Variants in CIT observed in about 807,000 individuals in gnomAD.
CIT encodes the protein citron Rho-interacting kinase.
Under a neutral mutation model 272.7 loss-of-function variants are expected in CIT, and 79 were observed. The observed-to-expected ratio is 0.29, with a 90% CI of 0.24 to 0.35. The LOEUF (loss-of-function observed/expected upper bound fraction) is 0.35, where lower values mean the gene tolerates loss of function less well. Ranked by LOEUF, CIT falls within the 10% of genes least tolerant of loss-of-function variation. CIT has a pLI of 1.00. For missense variants in CIT, 1,909 were observed against 2,618.3 expected (o/e 0.73, Z 5.91); for synonymous variants, 948 against 995.6 (o/e 0.95, Z 0.90).
chr12:119,832,802 C>G lies in CIT; in HGVS notation c.722G>C (p.Gly241Ala). The G allele has an allele frequency of 6.2e-7, 1 of 1,613,998 alleles. No individual in the cohort carries two copies. The highest frequency in any genetic ancestry group is 8.5e-7 in the Non-Finnish European group (1 of 1,179,922). Residue 241 changes from glycine (G) to alanine (A), a missense_variant, in exon 7 of 48, where the codon GGA becomes GCA. Physicochemically the swap from Gly to Ala is moderately conservative, Grantham distance 60. This residue lies in a region of CIT where 529 missense variants were observed against 549.6 expected (regional missense o/e 0.96). Coordinates refer to ENST00000392521, the MANE Select transcript of CIT (RefSeq NM_001206999.2). Reference sequence around the variant, plus strand: ...GTTTGAATTCATTTTCGCGGCAGATCCAAAATCCACCAGCTTGATGTGTCC... The same window carrying G: ...GTTTGAATTCATTTTCGCGGCAGATGCAAAATCCACCAGCTTGATGTGTCC... ...RTGHIKLVDFGSAAKMNSNKM... is the reference protein window; with the variant it reads ...RTGHIKLVDFASAAKMNSNKM...
intron 22 of CIT, among the ~76,000 whole-genome samples, chr12:119,756,189 T>C (rs1960955217): frequency 6.6e-6 from 1 of 152,224 alleles, no homozygotes; most frequent in Non-Finnish European, 1.5e-5. Context: ...CAGATCCCCA[T>C]GGCCCAGTCT....
In CIT at chr12:119,734,336, T is replaced by C. The variant is rs138683952; in HGVS notation, c.3178A>G (p.Thr1060Ala). Residue 1060 changes from threonine to alanine, a missense_variant, in exon 26 of 48, where the codon ACG becomes GCG. Transcript: ENST00000392521. ...ACCTGTTCCTCCAGCATGGTGCACG[T>C]GGTCTTCAGAGCCTCCATCGTCTGC... ...QKQTMEALKT[T>A]CTMLEEQVMD... The C allele has an allele frequency of 2.5e-6, 4 of 1,613,448 alleles. No individual in the cohort carries two copies. The highest frequency in any genetic ancestry group is 3.4e-6 in the Non-Finnish European group (4 of 1,180,036).
intron 10 of CIT, among the ~76,000 whole-genome samples, chr12:119,785,662 C>T (rs773660234): frequency 2.2e-4 from 34 of 152,122 alleles, no homozygotes; most frequent in Admixed American, 6.5e-5. Flanking sequence ...TCACTGCAAC[C>T]TCCACCTCCT....
At chr12:119,817,577 C>A (rs1429608308) in intron 9 of CIT, among the ~76,000 whole-genome samples, 13 of 152,072 alleles carry the variant, frequency 8.5e-5, no homozygotes, top group Non-Finnish European at 1.5e-4. Flanking sequence ...CATTAAACTT[C>A]CCACCATTTG....
At chr12:119,830,125 G>T (rs980366635) in intron 7 of CIT, among the ~76,000 whole-genome samples, 1 of 149,256 alleles carries the variant, frequency 6.7e-6, no homozygotes, top group East Asian at 1.9e-4. Flanking sequence ...CTAGTGTGCA[G>T]ATTATTGCTC....
At chr12:119,812,493 G>A (rs931115532) in intron 9 of CIT, among the ~76,000 whole-genome samples, 2 of 151,808 alleles carry the variant, frequency 1.3e-5, no homozygotes, top group African/African-American at 4.8e-5. Context: ...AGGAGGGAGT[G>A]CAGGGGTGCA....
intron 26 of CIT, among the ~76,000 whole-genome samples, chr12:119,731,389 T>G (rs1266812752): frequency 6.7e-6 from 1 of 148,364 alleles, no homozygotes; most frequent in Admixed American, 6.7e-5. Flanking sequence ...GGCAGGAGAA[T>G]TGCTTGAACT....
At chr12:119,847,457 G>A (rs35743453) in intron 5 of CIT, among the ~76,000 whole-genome samples, 64,261 of 151,862 alleles carry the variant, frequency 0.42, 14,658 homozygotes, top group Middle Eastern at 0.52. Context: ...AGCTGGGCAC[G>A]GTGGCACACG....
At chr12:119,805,797 C>T (rs1466418536) in intron 9 of CIT, among the ~76,000 whole-genome samples, 1 of 151,950 alleles carries the variant, frequency 6.6e-6, no homozygotes, top group African/African-American at 2.4e-5. Flanking sequence ...CAGCTTAATG[C>T]GGTTAAGATT....
At chr12:119,791,794 A>C (rs1965332415) in intron 10 of CIT, among the ~76,000 whole-genome samples, 1 of 152,204 alleles carries the variant, frequency 6.6e-6, no homozygotes, top group Non-Finnish European at 1.5e-5. Context: ...TGATATACAC[A>C]TCTGCTTTAT....
intron 5 of CIT, among the ~76,000 whole-genome samples, chr12:119,848,699 T>A (rs1969993702): frequency 6.6e-6 from 1 of 152,098 alleles, no homozygotes; most frequent in South Asian, 2.1e-4. Flanking sequence ...ACCATTTTTA[T>A]AAAGTAAACT....
rs933279544 is a variant in CIT, at chr12:119,776,752, C to T, written c.1756G>A (p.Glu586Lys). 2.5e-6 allele frequency: 4 copies of T among 1,614,090 alleles called. No homozygotes were observed. Among genetic ancestry groups the T allele is most frequent in the Admixed American group, 1.7e-5 (1 of 60,018 alleles). Residue 586 changes from glutamate (E) to lysine (K), a missense_variant, in exon 14 of 48, where the codon GAA becomes AAA. Glu to Lys is a moderately conservative substitution (Grantham distance 56). This residue lies in a region of CIT where 530 missense variants were observed against 822.4 expected (regional missense o/e 0.64). Coordinates refer to ENST00000392521, the MANE Select transcript of CIT (RefSeq NM_001206999.2). ...VSARRRSDLYESELRESRLAA... is the reference protein window; with the variant it reads ...VSARRRSDLYKSELRESRLAA... The stretch of plus-strand genomic sequence containing the variant: ...AGCCGAGACTCTCTCAGCTCAGATT[C>T]GTAGAGATCACTCCGTCTTCTTGCT...
At chr12:119,734,498 A>G in intron 25 of CIT, 141 bp from the exon 26 acceptor site, 1 of 860,178 alleles carries the variant, frequency 1.2e-6, no homozygotes, top group Non-Finnish European at 1.8e-6. Context: ...CTGCAGCCCA[A>G]GGGGACCAGG....
At chr12:119,874,149 C>G (rs1950768775) in intron 2 of CIT, among the ~76,000 whole-genome samples, 1 of 152,088 alleles carries the variant, frequency 6.6e-6, no homozygotes. Flanking sequence ...CTCACGACAA[C>G]CTCCGCCTCC....
chr12:119,763,057 C>T (rs146211372), intron 19 of CIT, among the ~76,000 whole-genome samples: 22 of 152,118 alleles, frequency 1.4e-4, no homozygotes, highest in African/African-American at 5.1e-4. Context: ...AAACAATAAA[C>T]AGATAAATAA....
intron 23 of CIT, among the ~76,000 whole-genome samples, chr12:119,747,853 T>C (rs1959669862): frequency 6.6e-6 from 1 of 152,148 alleles, no homozygotes; most frequent in Non-Finnish European, 1.5e-5. Flanking sequence ...TTAAATGACA[T>C]CTTAGTATTG....
chr12:119,713,028 T>G lies in CIT; in HGVS notation c.4579+175A>C, dbSNP rs140898149. 4.6e-6 allele frequency: 3 copies of G among 657,204 alleles called. No homozygotes were observed. Among genetic ancestry groups the G allele is most frequent in the Non-Finnish European group, 8.1e-6 (3 of 368,970 alleles). The allele number at this position is 657,204 out of a possible 1,614,324, so 40.7% of individuals were successfully genotyped here. On this transcript the variant is annotated intron_variant, in intron 35 of 47. Coordinates refer to ENST00000392521, the MANE Select transcript of CIT (RefSeq NM_001206999.2). This position sits in a 1 kb window ranked among gnomAD's most constrained non-coding sequence, Gnocchi z 5.2. ...GCGGGTTCTTCAGGGGGGAGACCTA[T>G]AGATGTGAGTATCGCACCAATAACC... is the stretch of plus-strand genomic sequence containing the variant.
chr12:119,810,706 GAAAAA>G (rs5801367), intron 9 of CIT, among the ~76,000 whole-genome samples: 1 of 100,234 alleles, frequency 1.0e-5, no homozygotes, highest in African/African-American at 3.9e-5. Context: ...CATCATCTCA[GAAAAA>G]AAAAAAAAAA....
intron 20 of CIT, among the ~76,000 whole-genome samples, chr12:119,759,042 T>G (rs1961392846): frequency 6.6e-6 from 1 of 152,240 alleles, no homozygotes; most frequent in African/African-American, 2.4e-5. Context: ...AACTCAAATC[T>G]GCACATTCGC....
Sources: gnomAD v4.1 joint callset for allele counts (sites outside exome capture counted in the v4.1 genomes callset) on GRCh38, gnomAD v4.1.1 for gene constraint, gnomAD v4.1.1 regional missense constraint, Gnocchi (gnomAD v3.1) non-coding constraint, MANE v1.5 for transcripts, NCBI Gene and HGNC (gene_info 2026-07-23, HGNC 2026-07-21) for gene names.